GOLGA6L9: variants seen among roughly 807,000 people sequenced by gnomAD.
GOLGA6L9 encodes golgin subfamily A member 6-like protein 9.
A neutral mutation model predicts 51.3 loss-of-function variants in GOLGA6L9; 19 were observed. That is an observed-to-expected ratio of 0.37 (90% confidence interval 0.26 to 0.54). The LOEUF (loss-of-function observed/expected upper bound fraction) is 0.54. Among genes scored for constraint, GOLGA6L9 ranks in the 20% least tolerant of loss-of-function variants. The probability of loss-of-function intolerance (pLI) is 0.83; values close to 1 mark genes in which losing one functional copy is unlikely to be tolerated. For missense variants in GOLGA6L9, 247 were observed against 464.1 expected, an observed-to-expected ratio of 0.53 and a Z score of 4.30; for synonymous variants, 97 against 184.2, an observed-to-expected ratio of 0.53 and a Z score of 3.83.
chr15:82,419,940 A>G, the GOLGA6L9 span: 1 of 276,966 alleles, frequency 3.6e-6, no homozygotes, highest in South Asian at 5.6e-5. Flanking sequence ...GGGAACCAGG[A>G]ACGCTGCTGT....
intron 3 of GOLGA6L9, 40 bp from the exon 4 acceptor site, chr15:82,432,777 A>G: frequency 3.9e-6 from 6 of 1,528,910 alleles, no homozygotes; most frequent in Non-Finnish European, 5.4e-6. Context: ...ACCCCTCCCC[A>G]CAATCTTTCT....
chr15:82,417,495 C>G, the GOLGA6L9 span, among the ~76,000 whole-genome samples: 1 of 152,298 alleles, frequency 6.6e-6, no homozygotes, highest in African/African-American at 2.4e-5. Context: ...GGTACTAGAA[C>G]TACTTCTGTC....
Position 82,436,488 on chromosome 15 carries a change from T to G in GOLGA6L9, c.*77T>G. ...TCCTACACAATTCATTTACTTCATTTGAATGTTAGAGCCACTTATGTTTGT... is the reference window on the plus strand; with the variant it reads ...TCCTACACAATTCATTTACTTCATTGGAATGTTAGAGCCACTTATGTTTGT... On this transcript the variant is annotated 3_prime_UTR_variant, in exon 9 of 9. Transcript: ENST00000618348. The G allele has an allele frequency of 6.5e-7, 1 of 1,535,100 alleles. No homozygotes were observed. The highest frequency in any genetic ancestry group is 8.8e-7 in the Non-Finnish European group (1 of 1,138,242).
At chr15:82,425,810 G>A (rs2031202329), upstream of GOLGA6L9, among the ~76,000 whole-genome samples, 1 of 137,520 alleles carries the variant, frequency 7.3e-6, no homozygotes, top group African/African-American at 2.8e-5. Flanking sequence ...AACAAGGAAT[G>A]GTATAGTATG....
intron 7 of GOLGA6L9, chr15:82,435,423 T>A (rs1381200225): frequency 7.8e-6 from 2 of 257,100 alleles, no homozygotes; most frequent in African/African-American, 2.5e-5. Flanking sequence ...CGAGAATCAC[T>A]TGAGCCCGGG....
upstream of GOLGA6L9, among the ~76,000 whole-genome samples, chr15:82,429,437 A>G (rs2031320340): frequency 6.6e-6 from 1 of 152,172 alleles, no homozygotes; most frequent in African/African-American, 2.4e-5. Flanking sequence ...AATCTTAACA[A>G]TAATGTAGGA....
Position 82,429,995 on chromosome 15 carries a change from C to A in GOLGA6L9, c.-85C>A, listed in dbSNP as rs2031354858. Reference sequence around the variant, plus strand: ...CCCCTATTCTGCGTTCCATTGGTGCCCTGGTTACGCCACCTGTGGCTCAGT... The same window carrying A: ...CCCCTATTCTGCGTTCCATTGGTGCACTGGTTACGCCACCTGTGGCTCAGT... On this transcript the variant is annotated 5_prime_UTR_variant, in exon 1 of 9. Transcript: ENST00000618348. 3 of 811,186 alleles carry A rather than the reference C, an allele frequency of 3.7e-6. No individual in the cohort carries two copies. The highest frequency in any genetic ancestry group is 6.6e-6 in the Non-Finnish European group (3 of 456,776). The allele number at this position is 811,186 out of a possible 1,614,324, so 50.2% of individuals were successfully genotyped here.
chr15:82,434,000 T>C, intron 5 of GOLGA6L9, 34 bp from the exon 6 acceptor site: 1 of 1,512,386 alleles, frequency 6.6e-7, no homozygotes, highest in Non-Finnish European at 8.7e-7. Flanking sequence ...TTTTTGAGAA[T>C]CCAGAGGCCC....
At chr15:82,429,150 C>T (rs1410955663), upstream of GOLGA6L9, among the ~76,000 whole-genome samples, 2 of 151,542 alleles carry the variant, frequency 1.3e-5, no homozygotes, top group East Asian at 3.9e-4. Context: ...GCTTGGCTCA[C>T]TGCAACCTCC....
At position 82,437,831 on chromosome 15, in the gene GOLGA6L9, A is replaced by G. The variant is rs1192183905; in HGVS notation, c.*1420A>G. ...CACAATCTACTGTTCGTGAATGTCA[A>G]AGTGTCATGAGGAAAGTGTCTATAC... is the stretch of plus-strand genomic sequence containing the variant. On this transcript the variant is annotated 3_prime_UTR_variant, in exon 9 of 9. Coordinates refer to ENST00000618348, the MANE Select transcript of GOLGA6L9 (RefSeq NM_198181.4). 1 of 151,290 alleles carries G rather than the reference A, an allele frequency of 6.6e-6. No homozygotes were observed. The highest frequency in any genetic ancestry group is 1.5e-5 in the Non-Finnish European group (1 of 67,832). The allele number at this position is 151,290 out of a possible 1,614,324, so 9.4% of individuals were successfully genotyped here. A position where few individuals can be genotyped will look rare whatever the true frequency, so the allele number is the denominator to read the frequency against.
chr15:82,432,520 T>C, intron 2 of GOLGA6L9, 52 bp from the exon 3 acceptor site: 7 of 1,589,186 alleles, frequency 4.4e-6, no homozygotes, highest in Non-Finnish European at 6.0e-6. Flanking sequence ...TCAGAGGGCT[T>C]AGACAGTGAG....
chr15:82,434,050 A>T lies in GOLGA6L9; in HGVS notation c.450A>T (p.Pro150=). The T allele has an allele frequency of 6.6e-7, 1 of 1,504,954 alleles. No individual in the cohort carries two copies. The highest frequency in any genetic ancestry group is 1.2e-5 in the South Asian group (1 of 83,098). The allele number at this position is 1,504,954 out of a possible 1,614,324, so 93.2% of individuals were successfully genotyped here. The change falls in exon 6 of 9, where the codon CCA becomes CCT. Residue 150 remains proline (P), a synonymous_variant. Transcript: ENST00000618348. ...CTTTCTCAGCTGAACCCCTGGCCCCACAGCCCCCAGCAGGGCCATCTAAGA... is the reference window on the plus strand; with the variant it reads ...CTTTCTCAGCTGAACCCCTGGCCCCTCAGCCCCCAGCAGGGCCATCTAAGA... ...LKNQTAEPLA[P]QPPAGPSKME...
chr15:82,418,375 G>A, the GOLGA6L9 span, among the ~76,000 whole-genome samples: 3 of 152,230 alleles, frequency 2.0e-5, no homozygotes, highest in South Asian at 2.1e-4. Flanking sequence ...GCAGAGCCCC[G>A]GAGGACAGAA....
At chr15:82,418,374 C>T in the GOLGA6L9 span, among the ~76,000 whole-genome samples, 3 of 152,066 alleles carry the variant, frequency 2.0e-5, no homozygotes, top group South Asian at 2.1e-4. Context: ...GGCAGAGCCC[C>T]GGAGGACAGA....
In GOLGA6L9 at chr15:82,430,100, C is replaced by T; in HGVS notation, c.21C>T (p.Leu7=). Reference sequence around the variant, plus strand: ...CGCTGATGTGGCCCCAACCCCGCCTCCCTCCCCACCCCGCGATGTCAGAAA... The same window carrying T: ...CGCTGATGTGGCCCCAACCCCGCCTTCCTCCCCACCCCGCGATGTCAGAAA... MWPQPR[L]PPHPAMSEKT... The change falls in exon 1 of 9, where the codon CTC becomes CTT. Residue 7 remains leucine, a synonymous_variant. Transcript: ENST00000618348. 2 of 780,836 alleles carry T rather than the reference C, an allele frequency of 2.6e-6. No individual in the cohort carries two copies. The highest frequency in any genetic ancestry group is 4.2e-5 in the Admixed American group (2 of 47,122). The allele number at this position is 780,836 out of a possible 1,614,324, so 48.4% of individuals were successfully genotyped here.
At chr15:82,429,327 G>T (rs1459369691), upstream of GOLGA6L9, among the ~76,000 whole-genome samples, 1 of 152,084 alleles carries the variant, frequency 6.6e-6, no homozygotes, top group Non-Finnish European at 1.5e-5. Context: ...CACCCACCTC[G>T]GCCTCCCAAA....
At chr15:82,417,791 A>G in the GOLGA6L9 span, among the ~76,000 whole-genome samples, 1 of 152,328 alleles carries the variant, frequency 6.6e-6, no homozygotes, top group Admixed American at 6.5e-5. Context: ...CTAGACTTTG[A>G]GCAGTTGTGG....
Position 82,434,158 on chromosome 15 carries a change from C to T in GOLGA6L9, c.558C>T (p.Asn186=). ...VGRQLQAEVE[N]NQMLSLLNRR... ...GACAGCTCCAGGCTGAGGTGGAAAA[C>T]AATCAGATGTTGAGTCTCCTGAACA... is the stretch of plus-strand genomic sequence containing the variant. The change falls in exon 6 of 9, where the codon AAC becomes AAT. Residue 186 remains asparagine, a synonymous_variant. Coordinates refer to ENST00000618348, the MANE Select transcript of GOLGA6L9 (RefSeq NM_198181.4). The T allele has an allele frequency of 3.9e-6, 6 of 1,536,284 alleles. No homozygotes were observed. Among genetic ancestry groups the T allele is most frequent in the Non-Finnish European group, 5.2e-6 (6 of 1,148,580 alleles).
At chr15:82,432,764 T>C in intron 3 of GOLGA6L9, 53 bp from the exon 4 acceptor site, 1 of 1,535,862 alleles carries the variant, frequency 6.5e-7, no homozygotes, top group Non-Finnish European at 9.0e-7. Flanking sequence ...GATTATTCTC[T>C]CTACCCCTCC....
Sources: gnomAD v4.1 joint callset for allele counts (sites outside exome capture counted in the v4.1 genomes callset) on GRCh38, gnomAD v4.1.1 for gene constraint, MANE v1.5 for transcripts, NCBI Gene and HGNC (gene_info 2026-07-23, HGNC 2026-07-21) for gene names.